The following MYOM1 variants were observed in gnomAD, a reference collection of about 807,000 sequenced individuals.
The protein encoded by MYOM1 is myomesin-1.
Under a neutral mutation model 205.3 loss-of-function variants are expected in MYOM1, and 164 were observed. The observed-to-expected ratio is 0.80, with a 90% CI of 0.70 to 0.91. The LOEUF is 0.91. Ranked by LOEUF, MYOM1 falls within the 40% of genes least tolerant of loss-of-function variation. The pLI, the probability that MYOM1 is intolerant of heterozygous loss-of-function variation, is 0.00. For synonymous variants in MYOM1, 772 were observed against 789.4 expected (o/e 0.98, Z 0.37); for missense variants, 2,011 against 2,127.3 (o/e 0.95, Z 1.08).
intron 20 of MYOM1, among the ~76,000 whole-genome samples, chr18:3,116,721 G>C (rs1489648835): frequency 6.6e-6 from 1 of 152,170 alleles, no homozygotes; most frequent in Admixed American, 6.5e-5. Flanking sequence ...CCCTTTAAGG[G>C]TGGCAGGTAG....
At position 3,126,893 on chromosome 18, in the gene MYOM1, T is replaced by C. The variant is rs756010391; in HGVS notation, c.2799A>G (p.Pro933=). The C allele has an allele frequency of 6.2e-7, 1 of 1,607,520 alleles. No individual in the cohort carries two copies. Among genetic ancestry groups the C allele is most frequent in the Non-Finnish European group, 8.5e-7 (1 of 1,176,746 alleles). The part of the protein sequence containing the change: ...DPLKKKTDRA[P]PSPPCDITCL... ...AGGTGATATCACAGGGTGGAGATGG[T>C]GGTGCTGTAGCAATATGAATAGCTT... Residue 933 remains proline, a synonymous_variant, in exon 19 of 38, where the codon CCA becomes CCG. Transcript: ENST00000356443.
chr18:3,110,157 T>C (rs891527736), intron 22 of MYOM1, among the ~76,000 whole-genome samples: 5 of 152,250 alleles, frequency 3.3e-5, no homozygotes, highest in Non-Finnish European at 7.3e-5. Context: ...ATAAAGTGTT[T>C]TACATGAGCA....
Position 3,083,798 on chromosome 18 carries a change from C to G in MYOM1, c.4475G>C (p.Trp1492Ser). ...TYYVEDLKVNWSHNGSAIRYS... is the reference protein window; with the variant it reads ...TYYVEDLKVNSSHNGSAIRYS... The stretch of plus-strand genomic sequence containing the variant: ...GTTCTCATTTACTTACTTGTGGGAC[C>G]AGTTAACTTTCAAATCCTCCACATA... Residue 1492 changes from tryptophan to serine, a missense_variant, in exon 33 of 38, where the codon TGG (tryptophan) becomes TCG (serine). Physicochemically the swap from Trp to Ser is radical, Grantham distance 177. Coordinates refer to ENST00000356443, the MANE Select transcript of MYOM1 (RefSeq NM_003803.4). 6.4e-7 allele frequency: 1 copy of G among 1,568,458 alleles called. No individual in the cohort carries two copies. Among genetic ancestry groups the G allele is most frequent in the Non-Finnish European group, 8.7e-7 (1 of 1,155,328 alleles).
chr18:3,175,103 A>G (rs1481662124), intron 6 of MYOM1, among the ~76,000 whole-genome samples: 1 of 152,168 alleles, frequency 6.6e-6, no homozygotes, highest in Non-Finnish European at 1.5e-5. Context: ...AGGCAAACAC[A>G]GTTGCCCTTC....
chr18:3,216,148 G>T (rs754014305), intron 1 of MYOM1, among the ~76,000 whole-genome samples: 10 of 152,144 alleles, frequency 6.6e-5, no homozygotes, highest in Non-Finnish European at 1.2e-4. Context: ...GGCACCTGTA[G>T]TCCCAGCTAC....
intron 33 of MYOM1, among the ~76,000 whole-genome samples, chr18:3,079,785 A>C (rs2079063602): frequency 6.6e-6 from 1 of 152,214 alleles, no homozygotes. Flanking sequence ...ATGGAGGCTC[A>C]TCTGTGCCTG....
intron 10 of MYOM1, among the ~76,000 whole-genome samples, chr18:3,160,045 T>C (rs1423316875): frequency 1.4e-5 from 2 of 148,044 alleles, no homozygotes; most frequent in African/African-American, 5.0e-5. Flanking sequence ...TCCTCCTCCT[T>C]CTCCTCCTCC....
At position 3,083,998 on chromosome 18, in the gene MYOM1, T is replaced by G. The variant is rs772608447; in HGVS notation, c.4369A>C (p.Lys1457Gln). The change falls in exon 32 of 38, where the codon AAA becomes CAA. Residue 1457 changes from lysine (K) to glutamine (Q), a missense_variant. By Grantham distance (53) the Lys-to-Gln change is moderately conservative. Coordinates refer to ENST00000356443, the MANE Select transcript of MYOM1 (RefSeq NM_003803.4). ...AFKELMMEVCKKIALSATDLK... is the reference protein window; with the variant it reads ...AFKELMMEVCQKIALSATDLK... ...GAAATGTTTGACTCACCTATTTTTTTGCATACTTCCATCATCAGTTCCTTA... is the reference window on the plus strand; with the variant it reads ...GAAATGTTTGACTCACCTATTTTTTGGCATACTTCCATCATCAGTTCCTTA... 4.4e-6 allele frequency: 7 copies of G among 1,588,108 alleles called. No homozygotes were observed. Among genetic ancestry groups the G allele is most frequent in the Non-Finnish European group, 5.1e-6 (6 of 1,165,756 alleles).
chr18:3,129,677 G>T, intron 17 of MYOM1, 158 bp from the exon 18 acceptor site: 1 of 674,896 alleles, frequency 1.5e-6, no homozygotes, highest in Non-Finnish European at 2.4e-6. Context: ...AATATGGAAA[G>T]ACTACATTTC....
chr18:3,159,899 TTCCTTCC>T (rs1482955258), intron 10 of MYOM1, among the ~76,000 whole-genome samples: 1 of 91,276 alleles, frequency 1.1e-5, no homozygotes, highest in African/African-American at 3.5e-5. Context: ...CCTTCCTTCC[TTCCTTCC>T]TTCCTTCCTT....
intron 25 of MYOM1, among the ~76,000 whole-genome samples, chr18:3,099,547 C>G (rs2079350560): frequency 6.6e-6 from 1 of 152,210 alleles, no homozygotes; most frequent in African/African-American, 2.4e-5. Flanking sequence ...ATCCCCCCAT[C>G]TGGCCAGTGG....
At chr18:3,077,386 T>G (rs1171926809) in intron 34 of MYOM1, among the ~76,000 whole-genome samples, 1 of 152,206 alleles carries the variant, frequency 6.6e-6, no homozygotes. Flanking sequence ...AATCATATTT[T>G]AAGTCTAGAG....
At chr18:3,240,478 C>T in the MYOM1 span, among the ~76,000 whole-genome samples, 65 of 152,322 alleles carry the variant, frequency 4.3e-4, no homozygotes, top group South Asian at 2.7e-3. Flanking sequence ...AGTTTTTCTT[C>T]TCTTGTCTGC....
Position 3,116,495 on chromosome 18 carries a change from A to T in MYOM1, c.3139T>A (p.Cys1047Ser), listed in dbSNP as rs1257057737. 1.1e-5 allele frequency: 17 copies of T among 1,588,970 alleles called. No homozygotes were observed. The highest frequency in any genetic ancestry group is 1.5e-5 in the Non-Finnish European group (17 of 1,165,744). Residue 1047 changes from cysteine to serine, a missense_variant, in exon 21 of 38, where the codon TGT becomes AGT. Transcript: ENST00000356443. ...AVPGPPHSLK[C>S]SEVRKDSLVL... Reference sequence around the variant, plus strand: ...AGTGAGTCTTTCCTGACTTCACTACACTTGAGACTGTGCGGTGGTCCTGAG... The same window carrying T: ...AGTGAGTCTTTCCTGACTTCACTACTCTTGAGACTGTGCGGTGGTCCTGAG...
At chr18:3,150,216 C>T (rs746015301) in intron 12 of MYOM1, among the ~76,000 whole-genome samples, 1 of 152,130 alleles carries the variant, frequency 6.6e-6, no homozygotes, top group African/African-American at 2.4e-5. Flanking sequence ...CCCGCCACCA[C>T]GCCTGGCTAA....
At chr18:3,093,639 C>T (rs1301722632) in intron 26 of MYOM1, 1 of 152,206 alleles carries the variant, frequency 6.6e-6, no homozygotes, top group African/African-American at 2.4e-5. Context: ...CCCACCACCA[C>T]CACCAAATTA....
At chr18:3,093,988 T>A (rs2079263183) in intron 26 of MYOM1, among the ~76,000 whole-genome samples, 182 bp downstream of exon 26, 1 of 152,170 alleles carries the variant, frequency 6.6e-6, no homozygotes, top group South Asian at 2.1e-4. Context: ...AGCGTCCCAG[T>A]TTGCATAATA....
the MYOM1 span, among the ~76,000 whole-genome samples, chr18:3,225,819 ATGCTGTATTAT>A: frequency 6.6e-6 from 1 of 152,222 alleles, no homozygotes; most frequent in Non-Finnish European, 1.5e-5. Flanking sequence ...AATTGTCTGC[ATGCTGTATTAT>A]GGCTGAGGAC....
chr18:3,155,027 G>C lies in MYOM1; in HGVS notation c.1563C>G (p.Ala521=), dbSNP rs780824593. ...AGGAGATGATGATATAATCTTTGTTGGCCTCCAAGCACTTCACATCCAAGG... is the reference window on the plus strand; with the variant it reads ...AGGAGATGATGATATAATCTTTGTTCGCCTCCAAGCACTTCACATCCAAGG... The part of the protein sequence containing the change: ...AAPLDVKCLE[A]NKDYIIISWK... The change falls in exon 11 of 38, where the codon GCC becomes GCG. Residue 521 remains alanine, a synonymous_variant. Coordinates refer to ENST00000356443, the MANE Select transcript of MYOM1 (RefSeq NM_003803.4). 8 of 1,613,280 alleles carry C rather than the reference G, an allele frequency of 5.0e-6. No individual in the cohort carries two copies. In the African/African-American group the frequency reaches 8.0e-5, roughly 16 times the overall value.
Sources: allele counts gnomAD v4.1 joint callset (sites outside exome capture counted in the v4.1 genomes callset), GRCh38; gene constraint gnomAD v4.1.1; transcripts MANE v1.5; gene names NCBI Gene and HGNC (gene_info 2026-07-23, HGNC 2026-07-21).